DLG2: variants seen among roughly 807,000 people sequenced by gnomAD.
DLG2 encodes the protein disks large homolog 2.
In DLG2, 45 loss-of-function variants were observed where a neutral mutation model predicts 132.5. The ratio of observed to expected loss-of-function variants is 0.34; its 90% CI spans 0.27 to 0.44. The LOEUF is 0.44. Among genes scored for constraint, DLG2 ranks in the 20% least tolerant of loss-of-function variants. The pLI, the probability that DLG2 is intolerant of heterozygous loss-of-function variation, is 1.00. For missense variants in DLG2, 1,045 were observed against 1,196.9 expected (o/e 0.87, Z 1.87); for synonymous variants, 424 against 419.6 (o/e 1.01, Z -0.13).
At chr11:83,790,947 A>T in intron 17 of DLG2, 1 of 953,322 alleles carries the variant, frequency 1.0e-6, no homozygotes, top group Non-Finnish European at 1.6e-6. Context: ...TCCAATAACG[A>T]CAGGCACATG....
chr11:84,830,806 T>C (rs566397107), intron 6 of DLG2, among the ~76,000 whole-genome samples: 1 of 151,688 alleles, frequency 6.6e-6, no homozygotes, highest in East Asian at 2.0e-4. Flanking sequence ...CTTTTCAATG[T>C]ATAAGATAAT....
intron 4 of DLG2, among the ~76,000 whole-genome samples, chr11:85,168,548 C>A (rs2078620011): frequency 6.6e-6 from 1 of 151,792 alleles, no homozygotes; most frequent in African/African-American, 2.4e-5. Flanking sequence ...TTCAGATTAT[C>A]CCAAAAAATA....
chr11:83,490,583 T>G (rs1232954592), intron 21 of DLG2, among the ~76,000 whole-genome samples: 1 of 151,932 alleles, frequency 6.6e-6, no homozygotes, highest in Admixed American at 6.6e-5. Flanking sequence ...ATTATTTAAT[T>G]ATTAAAAAGA....
chr11:84,390,230 AGGAATACTAC>A (rs1392243415), intron 7 of DLG2, among the ~76,000 whole-genome samples: 1 of 152,212 alleles, frequency 6.6e-6, no homozygotes, highest in Non-Finnish European at 1.5e-5. Flanking sequence ...AAAAATATCA[AGGAATACTAC>A]GGTAACATAA....
chr11:85,169,156 A>C (rs1388492603), intron 4 of DLG2, among the ~76,000 whole-genome samples: 2 of 152,168 alleles, frequency 1.3e-5, no homozygotes, highest in African/African-American at 4.8e-5. Context: ...CTATAAAAAT[A>C]GTTGTTGTAC....
chr11:83,615,334 A>T (rs865965736), intron 19 of DLG2, among the ~76,000 whole-genome samples: 3 of 152,214 alleles, frequency 2.0e-5, no homozygotes, highest in South Asian at 2.1e-4. Context: ...TACTTGCAAC[A>T]ACGCTTTATT....
At position 83,456,339 on chromosome 11, in the gene DLG2, A is replaced by C. The variant is rs1197963173; in HGVS notation, c.*3479T>G. 6.5e-6 allele frequency: 1 copy of C among 152,798 alleles called. No individual in the cohort carries two copies. The highest frequency in any genetic ancestry group is 6.5e-5 in the Admixed American group (1 of 15,284). The allele number at this position is 152,798 out of a possible 1,614,324, so 9.5% of individuals were successfully genotyped here. Reference sequence around the variant, plus strand: ...GGAGCAGGCTCCAGGTCAGGGCCTCACGCTCAGCTTTACTTTCTGGGCTGA... The same window carrying C: ...GGAGCAGGCTCCAGGTCAGGGCCTCCCGCTCAGCTTTACTTTCTGGGCTGA... On this transcript the variant is annotated 3_prime_UTR_variant, in exon 28 of 28. Coordinates refer to ENST00000376104, the MANE Select transcript of DLG2 (RefSeq NM_001142699.3).
intron 6 of DLG2, among the ~76,000 whole-genome samples, chr11:84,926,638 T>C (rs577673087): frequency 1.3e-5 from 2 of 151,892 alleles, no homozygotes; most frequent in South Asian, 2.1e-4. Flanking sequence ...AGTGTTGCTA[T>C]TGGCTTAGGA....
chr11:85,080,519 C>T (rs2067099702), intron 6 of DLG2, among the ~76,000 whole-genome samples: 1 of 152,028 alleles, frequency 6.6e-6, no homozygotes, highest in African/African-American at 2.4e-5. Flanking sequence ...TATATAGAGG[C>T]TTGGCTCAGT....
intron 6 of DLG2, among the ~76,000 whole-genome samples, chr11:84,733,117 T>C (rs1178554899): frequency 6.6e-6 from 1 of 152,180 alleles, no homozygotes; most frequent in African/African-American, 2.4e-5. Flanking sequence ...GCATGTGTCT[T>C]TATAGCAGCA....
At position 83,459,847 on chromosome 11, in the gene DLG2, T is replaced by C; in HGVS notation, c.2899A>G (p.Ile967Val). 6 of 1,610,980 alleles carry C rather than the reference T, an allele frequency of 3.7e-6. No individual in the cohort carries two copies. Among genetic ancestry groups the C allele is most frequent in the Non-Finnish European group, 5.1e-6 (6 of 1,177,128 alleles). ...LVIEEQSGPF[I>V]WIPSKEKL ...AACTTTTCCTTTGAGGGAATCCAGATGAAAGGCCCAGATTGCTCTTCAATA... is the reference window on the plus strand; with the variant it reads ...AACTTTTCCTTTGAGGGAATCCAGACGAAAGGCCCAGATTGCTCTTCAATA... The change falls in exon 28 of 28, where the codon ATC becomes GTC. Residue 967 changes from isoleucine to valine, a missense_variant. Physicochemically the swap from Ile to Val is conservative, Grantham distance 29 (BLOSUM62 3). This residue lies in a region of DLG2 where 398 missense variants were observed against 543.6 expected (regional missense o/e 0.73). Transcript: ENST00000376104.
chr11:84,733,936 T>G (rs1269224718), intron 6 of DLG2, among the ~76,000 whole-genome samples: 2 of 152,178 alleles, frequency 1.3e-5, no homozygotes, highest in African/African-American at 4.8e-5. Flanking sequence ...TTGTCAAAGA[T>G]CAGATGGTTG....
chr11:84,353,934 T>C (rs2098596578), intron 7 of DLG2, among the ~76,000 whole-genome samples: 1 of 152,182 alleles, frequency 6.6e-6, no homozygotes, highest in African/African-American at 2.4e-5. Context: ...ATAGCTGATA[T>C]AAGATCCCCC....
At chr11:85,457,382 C>T (rs2092457573) in intron 3 of DLG2, among the ~76,000 whole-genome samples, 1 of 152,124 alleles carries the variant, frequency 6.6e-6, no homozygotes, top group African/African-American at 2.4e-5. Context: ...GGTCTTGCTT[C>T]TTTATCCAGC....
intron 7 of DLG2, among the ~76,000 whole-genome samples, chr11:84,474,738 A>G (rs956066701): frequency 3.9e-5 from 6 of 152,068 alleles, no homozygotes; most frequent in Non-Finnish European, 5.9e-5. Flanking sequence ...TTTTACAACT[A>G]TGATCTTATG....
chr11:83,990,749 C>A (rs927384968), intron 11 of DLG2, among the ~76,000 whole-genome samples: 25 of 152,150 alleles, frequency 1.6e-4, no homozygotes, highest in Admixed American at 1.1e-3. Flanking sequence ...TCTGGGCCAT[C>A]TCTAAACAAT....
rs148170260 is a variant in DLG2 at position 85,552,405 on chromosome 11, A to G, written c.40+46252T>C. Among the ~76,000 whole-genome samples, 1,129 of 151,818 alleles carry G rather than the reference A, an allele frequency of 7.4e-3. 18 individuals carry two copies. The highest frequency in any genetic ancestry group is 0.026 in the African/African-American group (1,099 of 41,494). ...TGAAAATTAACTCACAAAGTTTACA[A>G]ATCACCTGAGGACTTTTCACTTACC... On this transcript the variant is annotated intron_variant, in intron 3 of 27. Transcript: ENST00000376104.
intron 6 of DLG2, among the ~76,000 whole-genome samples, chr11:85,087,541 C>T (rs2068091088): frequency 6.6e-6 from 1 of 152,238 alleles, no homozygotes; most frequent in South Asian, 2.1e-4. Context: ...AGGAGACATG[C>T]AAAAACCAGA....
At chr11:85,313,679 A>C (rs1305570976) in intron 3 of DLG2, among the ~76,000 whole-genome samples, 2 of 152,022 alleles carry the variant, frequency 1.3e-5, no homozygotes, top group Non-Finnish European at 2.9e-5. Flanking sequence ...GAATGAACCT[A>C]TTTATTCATA....
Sources: gnomAD v4.1 joint callset for allele counts (sites outside exome capture counted in the v4.1 genomes callset) on GRCh38, gnomAD v4.1.1 for gene constraint, gnomAD v4.1.1 regional missense constraint, MANE v1.5 for transcripts, NCBI Gene and HGNC (gene_info 2026-07-23, HGNC 2026-07-21) for gene names.